Variants in PCDH9 observed in about 807,000 individuals in gnomAD.
PCDH9 encodes the protein protocadherin-9.
A neutral mutation model predicts 70.6 loss-of-function variants in PCDH9; 24 were observed. The ratio of observed to expected loss-of-function variants is 0.34; its 90% CI spans 0.25 to 0.48. PCDH9 has a LOEUF of 0.48. PCDH9 is among the 20% of genes least tolerant of loss of function. PCDH9 has a pLI of 0.99. For missense variants in PCDH9, 1,281 were observed against 1,503.6 expected (o/e 0.85, Z 2.45); for synonymous variants, 562 against 558.5 (o/e 1.01, Z -0.09).
At chr13:66,868,304 T>A (rs1379489232) in intron 3 of PCDH9, among the ~76,000 whole-genome samples, 1 of 152,054 alleles carries the variant, frequency 6.6e-6, no homozygotes, top group Non-Finnish European at 1.5e-5. Context: ...TAATTACATT[T>A]ATTTACATGG....
At chr13:67,095,876 A>G (rs1303416798) in intron 2 of PCDH9, among the ~76,000 whole-genome samples, 1 of 152,160 alleles carries the variant, frequency 6.6e-6, no homozygotes, top group Non-Finnish European at 1.5e-5. Flanking sequence ...GATTCTCTCA[A>G]AAGAAACAAT....
intron 4 of PCDH9, among the ~76,000 whole-genome samples, chr13:66,475,993 A>C (rs1353602126): frequency 2.0e-5 from 3 of 151,868 alleles, no homozygotes; most frequent in African/African-American, 7.3e-5. Flanking sequence ...GGTTTTTCAC[A>C]GTTTTAGGTT....
chr13:66,880,393 G>A (rs1400958469), intron 3 of PCDH9, among the ~76,000 whole-genome samples: 1 of 152,074 alleles, frequency 6.6e-6, no homozygotes, highest in Non-Finnish European at 1.5e-5. Flanking sequence ...AATTGATGAG[G>A]GATGAGACAA....
chr13:66,601,778 A>G (rs917789719), intron 4 of PCDH9, among the ~76,000 whole-genome samples: 4 of 145,658 alleles, frequency 2.7e-5, no homozygotes, highest in African/African-American at 4.9e-5. Context: ...AGAAAATCCT[A>G]TTGCTGCCTA....
intron 4 of PCDH9, among the ~76,000 whole-genome samples, chr13:66,507,760 C>T (rs556342191): frequency 2.6e-5 from 4 of 152,110 alleles, no homozygotes; most frequent in South Asian, 2.1e-4. Context: ...CTTGCTCTGG[C>T]GCCCAGGCTG....
At chr13:66,887,380 A>G (rs77230575) in intron 3 of PCDH9, among the ~76,000 whole-genome samples, 1,582 of 152,256 alleles carry the variant, frequency 0.01, 16 homozygotes, top group African/African-American at 0.031. Flanking sequence ...ATTCTGCCCT[A>G]GAAAAAAAAA....
chr13:67,138,280 T>C (rs1472100256), intron 2 of PCDH9, among the ~76,000 whole-genome samples: 2 of 152,318 alleles, frequency 1.3e-5, no homozygotes, highest in East Asian at 3.9e-4. Flanking sequence ...ATATCTGGCC[T>C]GTTTAGAATA....
chr13:67,029,106 G>A (rs2084853150), intron 2 of PCDH9, among the ~76,000 whole-genome samples: 1 of 152,180 alleles, frequency 6.6e-6, no homozygotes, highest in South Asian at 2.1e-4. Context: ...CTGTTTTCAA[G>A]GAACTCATAA....
intron 2 of PCDH9, among the ~76,000 whole-genome samples, chr13:67,107,766 A>C (rs1415540751): frequency 6.6e-6 from 1 of 152,200 alleles, no homozygotes; most frequent in Non-Finnish European, 1.5e-5. Context: ...TAATACAAAC[A>C]GGGCTGAAAT....
chr13:67,113,429 A>G (rs2086695087), intron 2 of PCDH9, among the ~76,000 whole-genome samples: 1 of 152,220 alleles, frequency 6.6e-6, no homozygotes, highest in Admixed American at 6.5e-5. Context: ...TGTCAGCTGT[A>G]AGAAATATTC....
At chr13:66,996,090 G>A (rs1035983058) in intron 2 of PCDH9, 1 of 152,180 alleles carries the variant, frequency 6.6e-6, no homozygotes. Context: ...TACAGTAAAG[G>A]AAAATGTTCT....
intron 4 of PCDH9, among the ~76,000 whole-genome samples, chr13:66,329,086 T>A (rs1270638248): frequency 6.6e-6 from 1 of 152,206 alleles, no homozygotes; most frequent in Non-Finnish European, 1.5e-5. Context: ...ATGTTAACTA[T>A]AGGAATTTAG....
At chr13:66,819,523 G>T (rs887031772) in intron 3 of PCDH9, among the ~76,000 whole-genome samples, 4 of 152,038 alleles carry the variant, frequency 2.6e-5, no homozygotes, top group African/African-American at 9.7e-5. Context: ...ATGAAAGGAC[G>T]ACACTTCTCA....
At chr13:66,687,230 A>G (rs2078417158) in intron 3 of PCDH9, among the ~76,000 whole-genome samples, 1 of 152,174 alleles carries the variant, frequency 6.6e-6, no homozygotes, top group Non-Finnish European at 1.5e-5. Context: ...AGACAATAAC[A>G]TGCATGAATC....
intron 2 of PCDH9, among the ~76,000 whole-genome samples, chr13:67,077,375 T>C (rs2085898824): frequency 6.6e-6 from 1 of 152,150 alleles, no homozygotes; most frequent in Non-Finnish European, 1.5e-5. Flanking sequence ...CAACTATTTG[T>C]TTGTTTTTCA....
chr13:66,993,115 T>C (rs2139802575), intron 2 of PCDH9, among the ~76,000 whole-genome samples: 1 of 152,278 alleles, frequency 6.6e-6, no homozygotes, highest in Admixed American at 6.5e-5. Flanking sequence ...ACAGAAGTAT[T>C]GCTAACACTA....
chr13:66,603,893 C>T (rs1229193665), intron 4 of PCDH9, among the ~76,000 whole-genome samples: 2 of 151,746 alleles, frequency 1.3e-5, no homozygotes, highest in African/African-American at 2.4e-5. Flanking sequence ...AATAAATATG[C>T]CTGTTTAATG....
intron 4 of PCDH9, among the ~76,000 whole-genome samples, chr13:66,539,298 C>T (rs552969649): frequency 5.2e-4 from 79 of 152,106 alleles, no homozygotes; most frequent in African/African-American, 1.9e-3. Flanking sequence ...TTGGCTGTGT[C>T]CCCACCCAAA....
chr13:66,695,023 T>C (rs373045757), intron 3 of PCDH9, among the ~76,000 whole-genome samples: 1 of 151,524 alleles, frequency 6.6e-6, no homozygotes, highest in African/African-American at 2.4e-5. Context: ...CCTGCCTCAG[T>C]CTCCCTAGTA....
Sources: gnomAD v4.1 joint callset for allele counts (sites outside exome capture counted in the v4.1 genomes callset) on GRCh38, gnomAD v4.1.1 for gene constraint, MANE v1.5 for transcripts, NCBI Gene and HGNC (gene_info 2026-07-23, HGNC 2026-07-21) for gene names.